AFG2A: variants seen among roughly 807,000 people sequenced by gnomAD.
AFG2A encodes AAA ATPase AFG2A.
the AFG2A span, among the ~76,000 whole-genome samples, chr4:122,982,180 A>G: frequency 6.6e-6 from 1 of 152,098 alleles, no homozygotes; most frequent in Non-Finnish European, 1.5e-5. Context: ...CATTCTGTCT[A>G]ATGTATTGAG....
chr4:123,296,272 A>AGAGG, the AFG2A span, among the ~76,000 whole-genome samples: 3 of 152,174 alleles, frequency 2.0e-5, no homozygotes, highest in Non-Finnish European at 4.4e-5. Flanking sequence ...AAATAACACC[A>AGAGG]GAGGGATGCA....
chr4:123,102,303 A>AG, the AFG2A span: 2 of 150,994 alleles, frequency 1.3e-5, no homozygotes, highest in Non-Finnish European at 3.0e-5. Context: ...CAGAAAAAAA[A>AG]AAAAAAAAAG....
At chr4:123,236,679 G>A in the AFG2A span, among the ~76,000 whole-genome samples, 1 of 152,160 alleles carries the variant, frequency 6.6e-6, no homozygotes. Context: ...GTAAGGGACT[G>A]TCCACGTTCA....
chr4:123,297,729 AG>A, the AFG2A span, among the ~76,000 whole-genome samples: 1 of 151,004 alleles, frequency 6.6e-6, no homozygotes, highest in African/African-American at 2.4e-5. Context: ...AAAAAAAAAA[AG>A]AAAAGAAAAA....
the AFG2A span, among the ~76,000 whole-genome samples, chr4:123,077,707 G>T: frequency 6.6e-6 from 1 of 152,172 alleles, no homozygotes; most frequent in Non-Finnish European, 1.5e-5. Flanking sequence ...AAGCTTGCCT[G>T]CCCTTTGCCC....
At chr4:123,105,953 T>G in the AFG2A span, among the ~76,000 whole-genome samples, 1 of 152,218 alleles carries the variant, frequency 6.6e-6, no homozygotes, top group Non-Finnish European at 1.5e-5. Context: ...GAGGATTGAC[T>G]CCATCTTTAA....
chr4:123,181,484 G>A, the AFG2A span, among the ~76,000 whole-genome samples: 1 of 152,120 alleles, frequency 6.6e-6, no homozygotes, highest in African/African-American at 2.4e-5. Context: ...ATGGTCACAT[G>A]CACCTGTAGT....
the AFG2A span, chr4:122,979,293 T>C: frequency 1.2e-6 from 2 of 1,614,264 alleles, no homozygotes; most frequent in Non-Finnish European, 1.7e-6. Context: ...TCAAGGTGGC[T>C]GGACTGGTGA....
chr4:123,288,852 T>G, the AFG2A span, among the ~76,000 whole-genome samples: 2 of 152,138 alleles, frequency 1.3e-5, no homozygotes, highest in African/African-American at 4.8e-5. Context: ...CCTGTCACAT[T>G]CAGACACTCT....
the AFG2A span, among the ~76,000 whole-genome samples, chr4:123,202,522 A>T: frequency 6.6e-6 from 1 of 152,172 alleles, no homozygotes; most frequent in Non-Finnish European, 1.5e-5. Context: ...ATAGTACCCC[A>T]TAAGCCATAG....
chr4:123,213,027 T>C, the AFG2A span, among the ~76,000 whole-genome samples: 1 of 152,150 alleles, frequency 6.6e-6, no homozygotes, highest in Non-Finnish European at 1.5e-5. Context: ...TTTCCATACC[T>C]CCTCAAAAGA....
At chr4:123,267,143 A>G in the AFG2A span, among the ~76,000 whole-genome samples, 1 of 152,046 alleles carries the variant, frequency 6.6e-6, no homozygotes, top group African/African-American at 2.4e-5. Context: ...ACTTTATAAA[A>G]TGGTTGTTCA....
At chr4:123,195,953 A>T in the AFG2A span, among the ~76,000 whole-genome samples, 3 of 151,558 alleles carry the variant, frequency 2.0e-5, no homozygotes, top group Non-Finnish European at 4.4e-5. Flanking sequence ...TACAAGTCAA[A>T]TCTTCCTCAT....
chr4:123,060,102 T>G, the AFG2A span, among the ~76,000 whole-genome samples: 1 of 152,206 alleles, frequency 6.6e-6, no homozygotes, highest in African/African-American at 2.4e-5. Context: ...AGAGAGGGGT[T>G]CCCATGGTCT....
At chr4:122,975,704 T>C in the AFG2A span, among the ~76,000 whole-genome samples, 1 of 152,088 alleles carries the variant, frequency 6.6e-6, no homozygotes, top group East Asian at 1.9e-4. Flanking sequence ...ACAGTAAGCA[T>C]GTCTATCCTT....
the AFG2A span, among the ~76,000 whole-genome samples, chr4:122,941,159 A>C: frequency 6.6e-6 from 1 of 151,432 alleles, no homozygotes; most frequent in Non-Finnish European, 1.5e-5. Context: ...GTTTTTTCCA[A>C]TTCTGTGAAG....
the AFG2A span, among the ~76,000 whole-genome samples, chr4:123,142,101 C>T: frequency 2.0e-3 from 303 of 152,124 alleles, 3 homozygotes; most frequent in African/African-American, 6.4e-3. Context: ...TATATTTTTG[C>T]GAAGAATTTA....
chr4:123,138,135 T>A, the AFG2A span, among the ~76,000 whole-genome samples: 1 of 152,242 alleles, frequency 6.6e-6, no homozygotes, highest in Admixed American at 6.5e-5. Context: ...TGTGCAATTA[T>A]ATGGAAAATA....
the AFG2A span, among the ~76,000 whole-genome samples, chr4:123,031,029 A>G: frequency 3.9e-5 from 6 of 152,198 alleles, no homozygotes; most frequent in Non-Finnish European, 8.8e-5. Context: ...TTTGTCTTCT[A>G]CTAGCATTTT....
Sources: gnomAD v4.1 joint callset for allele counts (sites outside exome capture counted in the v4.1 genomes callset) on GRCh38, gnomAD v4.1.1 for gene constraint, MANE v1.5 for transcripts, NCBI Gene and HGNC (gene_info 2026-07-23, HGNC 2026-07-21) for gene names.